The following COL12A1 variants were observed in gnomAD, a reference collection of about 807,000 sequenced individuals.
COL12A1 encodes collagen alpha-1(XII) chain.
Under a neutral mutation model 349.7 loss-of-function variants are expected in COL12A1, and 114 were observed. The observed-to-expected ratio is 0.33, with a 90% CI of 0.28 to 0.38. COL12A1 has a LOEUF of 0.38. Among genes scored for constraint, COL12A1 ranks in the 10% least tolerant of loss-of-function variants. The pLI, the probability that COL12A1 is intolerant of heterozygous loss-of-function variation, is 1.00. For synonymous variants in COL12A1, 1,369 were observed against 1,329.0 expected (o/e 1.03, Z -0.66); for missense variants, 3,284 against 3,756.9 (o/e 0.87, Z 3.29).
At chr6:75,122,445 G>A (rs533313420) in intron 43 of COL12A1, among the ~76,000 whole-genome samples, 1 of 152,010 alleles carries the variant, frequency 6.6e-6, no homozygotes, top group Non-Finnish European at 1.5e-5. Context: ...GTCTGTCTGG[G>A]AGATGAAAAA....
intron 13 of COL12A1, among the ~76,000 whole-genome samples, chr6:75,172,767 C>A (rs951782253): frequency 6.6e-6 from 1 of 152,094 alleles, no homozygotes; most frequent in Non-Finnish European, 1.5e-5. Context: ...ATTTGAAATA[C>A]TAAAGCTATA....
intron 14 of COL12A1, among the ~76,000 whole-genome samples, chr6:75,159,556 G>T (rs1582152219): frequency 1.3e-5 from 2 of 150,966 alleles, no homozygotes; most frequent in South Asian, 4.2e-4. Flanking sequence ...TAATCTATTT[G>T]GATTATTAGC....
chr6:75,118,889 AT>A (rs1335824248), intron 46 of COL12A1, among the ~76,000 whole-genome samples, 153 bp downstream of exon 46: 1 of 152,238 alleles, frequency 6.6e-6, no homozygotes, highest in Non-Finnish European at 1.5e-5. Context: ...AAACCATTCC[AT>A]AATTAAATAT....
chr6:75,098,107 G>T (rs1768139010), intron 58 of COL12A1, among the ~76,000 whole-genome samples: 1 of 152,064 alleles, frequency 6.6e-6, no homozygotes, highest in Non-Finnish European at 1.5e-5. Context: ...TACTTAACAT[G>T]AAAGTTTACT....
rs189714891 is a variant in COL12A1, at chr6:75,130,247, A to T, written c.6068-14T>A. Reference sequence around the variant, plus strand: ...CACTGCGTGGTACTAAATAAATAAAATACAATAGAGTTTGTTGCCTGCCTG... The same window carrying T: ...CACTGCGTGGTACTAAATAAATAAATTACAATAGAGTTTGTTGCCTGCCTG... On this transcript the variant is annotated splice_polypyrimidine_tract_variant and intron_variant, in intron 36 of 65. Transcript: ENST00000322507. 1.9e-3 allele frequency: 2,983 copies of T among 1,611,074 alleles called. 103 individuals carry two copies. In the Admixed American group the frequency reaches 0.047, roughly 25 times the overall value.
chr6:75,130,039 G>A (rs1766223602), intron 37 of COL12A1, 52 bp downstream of exon 37: 1 of 1,594,046 alleles, frequency 6.3e-7, no homozygotes, highest in African/African-American at 1.3e-5. Context: ...TAACTTCACT[G>A]TCCATTCAGC....
chr6:75,125,226 T>C lies in COL12A1; in HGVS notation c.6508A>G (p.Thr2170Ala). 2.5e-5 allele frequency: 40 copies of C among 1,610,834 alleles called. No individual in the cohort carries two copies. Among genetic ancestry groups the C allele is most frequent in the Non-Finnish European group, 3.4e-5 (40 of 1,178,234 alleles). Residue 2170 changes from threonine to alanine, a missense_variant, in exon 40 of 66, where the codon ACC (threonine) becomes GCC (alanine). Physicochemically the swap from Thr to Ala is moderately conservative, Grantham distance 58. This residue lies in a region of COL12A1 where 2,601 missense variants were observed against 2,824.8 expected (regional missense o/e 0.92). Transcript: ENST00000322507. ...GTGCTGGGATTGAGATTGTGTAAGG[T>C]ATATGATGTCATTTCTCCAACAAAG... is the stretch of plus-strand genomic sequence containing the variant. ...EAFVGEMTSY[T>A]LHNLNPSTTY... is the part of the protein sequence containing the mutation.
rs957657582 is a variant in COL12A1, at chr6:75,133,803, A to G, written c.5664+55T>C. ...TTAACTCCTTCAGTTCCACTTTTAAATCACTCAGCTACCATTTAAACAAAC... is the reference window on the plus strand; with the variant it reads ...TTAACTCCTTCAGTTCCACTTTTAAGTCACTCAGCTACCATTTAAACAAAC... On this transcript the variant is annotated intron_variant, in intron 33 of 65. Transcript: ENST00000322507. 15 of 1,598,900 alleles carry G rather than the reference A, an allele frequency of 9.4e-6. No individual in the cohort carries two copies. The African/African-American group carries it at 2.0e-4, about 22-fold the overall frequency.
chr6:75,088,078 A>C (rs150035394), intron 64 of COL12A1, among the ~76,000 whole-genome samples: 2,907 of 152,322 alleles, frequency 0.019, 51 homozygotes, highest in Middle Eastern at 0.031. Flanking sequence ...AGCTCTGTTA[A>C]GCAGCTACAT....
intron 59 of COL12A1, among the ~76,000 whole-genome samples, chr6:75,095,623 C>CAAAAAAAAA (rs58205028): frequency 9.8e-6 from 1 of 102,092 alleles, no homozygotes; most frequent in African/African-American, 4.0e-5. Context: ...GACTCCGTCT[C>CAAAAAAAAA]AAAAAAAAAA....
intron 40 of COL12A1, 147 bp from the exon 41 acceptor site, chr6:75,124,518 C>A: frequency 1.8e-6 from 1 of 561,948 alleles, no homozygotes; most frequent in South Asian, 2.9e-5. Flanking sequence ...ATACATGAAT[C>A]ATATTTAAAA....
At chr6:75,121,884 G>T (rs1455445307) in intron 43 of COL12A1, among the ~76,000 whole-genome samples, 1 of 148,318 alleles carries the variant, frequency 6.7e-6, no homozygotes, top group African/African-American at 2.5e-5. Flanking sequence ...TTTAGACAGG[G>T]TCTTGCTCTG....
Position 75,113,197 on chromosome 6 carries a change from T to A in COL12A1, c.7950+7A>T. ...GAAATAAGACTCAAATAATCTTATG[T>A]TTTTACCTTGTGAAAACTTCCATAA... On this transcript the variant is annotated splice_region_variant and intron_variant, in intron 51 of 65. Coordinates refer to ENST00000322507, the MANE Select transcript of COL12A1 (RefSeq NM_004370.6). The A allele has an allele frequency of 6.8e-7, 1 of 1,463,880 alleles. No individual in the cohort carries two copies. The highest frequency in any genetic ancestry group is 9.2e-7 in the Non-Finnish European group (1 of 1,082,718). 90.7% of individuals were successfully genotyped at this position (1,463,880 alleles called of 1,614,324 possible). A position where few individuals can be genotyped will look rare whatever the true frequency, so the allele number is the denominator to read the frequency against.
rs768863586 is a variant in COL12A1 at position 75,194,931 on chromosome 6, G to A, written c.90C>T (p.Asp30=). Residue 30 remains aspartate, a synonymous_variant, in exon 3 of 66, where the codon GAC becomes GAT. Coordinates refer to ENST00000322507, the MANE Select transcript of COL12A1 (RefSeq NM_004370.6). ...SIEAEVDPPS[D]LNFKIIDENT... ...TTTCATCTATAATTTTAAAATTCAA[G>A]TCTGAAGGTGGGTCAACTGCAAAAG... is the stretch of plus-strand genomic sequence containing the variant. 6.2e-7 allele frequency: 1 copy of A among 1,600,448 alleles called. No individual in the cohort carries two copies. Among genetic ancestry groups the A allele is most frequent in the South Asian group, 1.1e-5 (1 of 88,256 alleles).
At chr6:75,200,064 T>C (rs533764360) in intron 2 of COL12A1, among the ~76,000 whole-genome samples, 2 of 152,256 alleles carry the variant, frequency 1.3e-5, no homozygotes, top group South Asian at 2.1e-4. Flanking sequence ...CAGATCAAAA[T>C]GGCATGGTAC....
intron 2 of COL12A1, among the ~76,000 whole-genome samples, chr6:75,200,047 T>C (rs1450680678): frequency 1.3e-5 from 2 of 152,206 alleles, no homozygotes; most frequent in Non-Finnish European, 2.9e-5. Context: ...GTGGCTACTT[T>C]AGGACTCAGA....
In COL12A1 at chr6:75,113,227, A is replaced by C. The variant is rs199660424; in HGVS notation, c.7927T>G (p.Leu2643Val). The C allele has an allele frequency of 9.0e-6, 14 of 1,553,440 alleles. No homozygotes were observed. Among genetic ancestry groups the C allele is most frequent in the Non-Finnish European group, 5.2e-6 (6 of 1,152,100 alleles). ...VTFDTEEVKT[L>V]FYGSFHKVHI... The stretch of plus-strand genomic sequence containing the variant: ...ACCTTGTGAAAACTTCCATAAAATA[A>C]TGTCTTTACTTCTTCTGTGTCAAAT... The change falls in exon 51 of 66, where the codon TTA becomes GTA. Residue 2643 changes from leucine to valine, a missense_variant. By Grantham distance (32) the Leu-to-Val change is conservative (BLOSUM62 1). Around this residue, in one of 2 missense-constraint regions of COL12A1, gnomAD observed 683 missense variants for 932.1 expected, o/e 0.73. Coordinates refer to ENST00000322507, the MANE Select transcript of COL12A1 (RefSeq NM_004370.6).
chr6:75,163,569 G>A (rs1229361686), intron 14 of COL12A1, among the ~76,000 whole-genome samples: 1 of 151,998 alleles, frequency 6.6e-6, no homozygotes, highest in Non-Finnish European at 1.5e-5. Flanking sequence ...GTAGATGATG[G>A]GTTGATGGGT....
intron 44 of COL12A1, among the ~76,000 whole-genome samples, chr6:75,120,572 A>T (rs1769306068): frequency 6.6e-6 from 1 of 152,174 alleles, no homozygotes; most frequent in South Asian, 2.1e-4. Flanking sequence ...ATATGAAGTG[A>T]TATTTGTTGT....
Sources: gnomAD v4.1 joint callset for allele counts (sites outside exome capture counted in the v4.1 genomes callset) on GRCh38, gnomAD v4.1.1 for gene constraint, gnomAD v4.1.1 regional missense constraint, MANE v1.5 for transcripts, NCBI Gene and HGNC (gene_info 2026-07-23, HGNC 2026-07-21) for gene names.